ARHGAP30: variants seen among roughly 807,000 people sequenced by gnomAD.
The protein encoded by ARHGAP30 is rho GTPase-activating protein 30.
ARHGAP30 carries 23 observed loss-of-function variants against 72.0 expected under a neutral mutation model. The observed-to-expected ratio is 0.32, with a 90% CI of 0.23 to 0.45. The LOEUF is 0.45. Among genes scored for constraint, ARHGAP30 ranks in the 20% least tolerant of loss-of-function variants. ARHGAP30 has a pLI of 1.00. For missense variants in ARHGAP30, 1,319 were observed against 1,383.4 expected (o/e 0.95, Z 0.74); for synonymous variants, 576 against 528.2 (o/e 1.09, Z -1.24).
intron 4 of ARHGAP30, 37 bp downstream of exon 4, chr1:161,054,586 G>A (rs771812150): frequency 2.5e-6 from 4 of 1,609,710 alleles, no homozygotes; most frequent in Admixed American, 3.3e-5. Flanking sequence ...TGAATGAGTT[G>A]TCTCAGGTTG....
rs191774264 is a variant in ARHGAP30 at position 161,061,180 on chromosome 1, T to G, written c.98-1464A>C. ...TTGGGTTCTGTTTGTTTGTTTGTTT[T>G]TTTTAGATGGAGTCTCACTCTGTTT... On this transcript the variant is annotated intron_variant, in intron 1 of 11. Transcript: ENST00000368013. Among the ~76,000 whole-genome samples, 130 of 152,048 alleles carry G rather than the reference T, an allele frequency of 8.5e-4. 1 individual carries two copies. The highest frequency in any genetic ancestry group is 3.4e-3 in the Middle Eastern group (1 of 294).
At chr1:161,052,403 A>T in intron 8 of ARHGAP30, 37 bp downstream of exon 8, 1 of 1,613,326 alleles carries the variant, frequency 6.2e-7, no homozygotes. Context: ...GGCCTTGTGC[A>T]CCCTCAGCAG....
chr1:161,052,484 C>G lies in ARHGAP30; in HGVS notation c.896G>C (p.Gly299Ala). 1 of 1,613,790 alleles carries G rather than the reference C, an allele frequency of 6.2e-7. No homozygotes were observed. Among genetic ancestry groups the G allele is most frequent in the Non-Finnish European group, 8.5e-7 (1 of 1,180,002 alleles). ...TGGAAGTTTACGCTTAGTCTCATGGCCAGAGCGACCTAAATTGAAGATAGA... is the reference window on the plus strand; with the variant it reads ...TGGAAGTTTACGCTTAGTCTCATGGGCAGAGCGACCTAAATTGAAGATAGA... ...WRSIFNLGRS[G>A]HETKRKLPRG... The change falls in exon 8 of 12, where the codon GGC becomes GCC. Residue 299 changes from glycine (G) to alanine (A), a missense_variant. By Grantham distance (60) the Gly-to-Ala change is moderately conservative. Around this residue, in one of 2 missense-constraint regions of ARHGAP30, gnomAD observed 1,097 missense variants for 1,045.2 expected, o/e 1.05. Transcript: ENST00000368013.
At chr1:161,050,641 T>G (rs564462166) in intron 10 of ARHGAP30, among the ~76,000 whole-genome samples, 7 of 144,880 alleles carry the variant, frequency 4.8e-5, no homozygotes, top group Admixed American at 2.1e-4. Context: ...TGTTTTTTGT[T>G]TTTTTTTTTT....
chr1:161,052,419 C>T lies in ARHGAP30; in HGVS notation c.940+21G>A, dbSNP rs760614468. ...GCCTTGTGCACCCTCAGCAGAGCTCCCCCCATCTCCCCAGACTTACCCCTG... is the reference window on the plus strand; with the variant it reads ...GCCTTGTGCACCCTCAGCAGAGCTCTCCCCATCTCCCCAGACTTACCCCTG... On this transcript the variant is annotated intron_variant, in intron 8 of 11. Transcript: ENST00000368013. The T allele has an allele frequency of 1.5e-5, 24 of 1,613,486 alleles. 1 individual carries two copies. In the East Asian group the frequency reaches 1.6e-4, roughly 10 times the overall value.
At chr1:161,064,832 A>G (rs1469416297) in intron 1 of ARHGAP30, among the ~76,000 whole-genome samples, 2 of 33,368 alleles carry the variant, frequency 6.0e-5, no homozygotes, top group Admixed American at 2.6e-4. Flanking sequence ...AGAAAGAAAG[A>G]GAAAGAAAGA....
At chr1:161,058,626 CAA>C (rs758250379) in intron 2 of ARHGAP30, among the ~76,000 whole-genome samples, 4 of 87,044 alleles carry the variant, frequency 4.6e-5, no homozygotes, top group Middle Eastern at 7.2e-3. Context: ...GACTCTGTCT[CAA>C]AAAAAAAAAA....
chr1:161,053,839 G>A (rs1651627817), intron 5 of ARHGAP30, among the ~76,000 whole-genome samples: 1 of 152,192 alleles, frequency 6.6e-6, no homozygotes, highest in Non-Finnish European at 1.5e-5. Context: ...GAGGAGGTGG[G>A]TGGATCACCT....
chr1:161,063,822 C>T (rs2102067266), intron 1 of ARHGAP30, among the ~76,000 whole-genome samples: 1 of 152,296 alleles, frequency 6.6e-6, no homozygotes, highest in African/African-American at 2.4e-5. Context: ...CCGGGGCGTA[C>T]CTGTCTCTTA....
Position 161,051,356 on chromosome 1 carries a change from A to G in ARHGAP30, c.1378T>C (p.Ser460Pro). 6.2e-7 allele frequency: 1 copy of G among 1,612,284 alleles called. No homozygotes were observed. Among genetic ancestry groups the G allele is most frequent in the South Asian group, 1.1e-5 (1 of 90,884 alleles). The change falls in exon 10 of 12, where the codon TCT becomes CCT. Residue 460 changes from serine to proline, a missense_variant. This residue lies in a region of ARHGAP30 where 1,097 missense variants were observed against 1,045.2 expected (regional missense o/e 1.05). Coordinates refer to ENST00000368013, the MANE Select transcript of ARHGAP30 (RefSeq NM_001025598.2). ...PALQHRPSPA[S>P]GPGPGPGLGP... ...AGGCCAGGGCCAGGGCCAGGGCCAG[A>G]GGCAGGGCTTGGCCGGTGCTGTAGA...
chr1:161,050,274 C>T (rs1022939208), intron 10 of ARHGAP30, among the ~76,000 whole-genome samples: 2 of 150,928 alleles, frequency 1.3e-5, no homozygotes, highest in Non-Finnish European at 2.9e-5. Context: ...CAAACCAATC[C>T]TGCAATCACA....
intron 10 of ARHGAP30, among the ~76,000 whole-genome samples, chr1:161,051,018 A>G (rs899105076): frequency 1.3e-5 from 2 of 152,236 alleles, no homozygotes; most frequent in Non-Finnish European, 2.9e-5. Context: ...CATCTATTAT[A>G]TATTCCCACA....
intron 1 of ARHGAP30, among the ~76,000 whole-genome samples, chr1:161,065,463 G>A (rs1299764964): frequency 6.6e-6 from 1 of 152,056 alleles, no homozygotes; most frequent in Non-Finnish European, 1.5e-5. Context: ...CAAGCTCTTT[G>A]TTGAATAAAG....
At chr1:161,049,850 A>G (rs1651219180) in intron 10 of ARHGAP30, among the ~76,000 whole-genome samples, 161 bp from the exon 11 acceptor site, 1 of 152,154 alleles carries the variant, frequency 6.6e-6, no homozygotes, top group African/African-American at 2.4e-5. Flanking sequence ...TTGGCTTGCT[A>G]CCTTAATTGA....
chr1:161,064,839 A>AAG (rs1338482423), intron 1 of ARHGAP30, among the ~76,000 whole-genome samples: 1,981 of 118,324 alleles, frequency 0.017, 27 homozygotes, highest in Admixed American at 0.021. Context: ...AAGAGAAAGA[A>AAG]AGAAAGAAAG....
chr1:161,052,659 G>C lies in ARHGAP30; in HGVS notation c.803C>G (p.Pro268Arg), dbSNP rs376018995. The C allele has an allele frequency of 7.4e-6, 12 of 1,613,780 alleles. No individual in the cohort carries two copies. The highest frequency in any genetic ancestry group is 1.3e-5 in the African/African-American group (1 of 74,888). Residue 268 changes from proline to arginine, a missense_variant, in exon 7 of 12, where the codon CCC (proline) becomes CGC (arginine). By Grantham distance (103) the Pro-to-Arg change is moderately radical. This residue lies in a region of ARHGAP30 where 1,097 missense variants were observed against 1,045.2 expected (regional missense o/e 1.05). Transcript: ENST00000368013. ...TGCAATCTCGATGATAGTATGGTAG[G>C]GCCGCATCTGTGGGGGTCCATCGCC... ...QAGDGPPQMR[P>R]YHTIIEIAEH...
chr1:161,069,709 T>G lies in ARHGAP30; in HGVS notation c.-85A>C. 1 of 1,467,022 alleles carries G rather than the reference T, an allele frequency of 6.8e-7. No individual in the cohort carries two copies. 90.9% of individuals were successfully genotyped at this position (1,467,022 alleles called of 1,614,324 possible). ...AGTCCCCCATGGGATCCCAGCCAGC[T>G]GCTGGGCTTGGCCCGGCCCCAGGGG... is the stretch of plus-strand genomic sequence containing the variant. On this transcript the variant is annotated 5_prime_UTR_variant, in exon 1 of 12. Transcript: ENST00000368013. The surrounding 1 kb of genome is among the most constrained non-coding windows in gnomAD (Gnocchi z 4.9).
Position 161,051,487 on chromosome 1 carries a change from T to C in ARHGAP30, c.1247A>G (p.Tyr416Cys). The C allele has an allele frequency of 6.2e-7, 1 of 1,614,222 alleles. No individual in the cohort carries two copies. Among genetic ancestry groups the C allele is most frequent in the South Asian group, 1.1e-5 (1 of 91,084 alleles). ...RCAGVHISDP[Y>C]NVNLPLHITS... Reference sequence around the variant, plus strand: ...GATGTGTAGCGGGAGGTTGACATTGTAGGGGTCTGAGATGTGGACACCAGC... The same window carrying C: ...GATGTGTAGCGGGAGGTTGACATTGCAGGGGTCTGAGATGTGGACACCAGC... The change falls in exon 10 of 12, where the codon TAC becomes TGC. Residue 416 changes from tyrosine (Y) to cysteine (C), a missense_variant. Tyr to Cys is a radical substitution (Grantham distance 194). This residue lies in a region of ARHGAP30 where 1,097 missense variants were observed against 1,045.2 expected (regional missense o/e 1.05). Coordinates refer to ENST00000368013, the MANE Select transcript of ARHGAP30 (RefSeq NM_001025598.2).
intron 3 of ARHGAP30, among the ~76,000 whole-genome samples, chr1:161,055,870 TAAA>T (rs1234972748): frequency 3.7e-5 from 2 of 53,572 alleles, no homozygotes; most frequent in Admixed American, 1.8e-4. Context: ...TAAAATAAAA[TAAA>T]ATAAAATAAA....
Sources: allele counts gnomAD v4.1 joint callset (sites outside exome capture counted in the v4.1 genomes callset), GRCh38; gene constraint gnomAD v4.1.1; regional missense constraint gnomAD v4.1.1; non-coding constraint Gnocchi (gnomAD v3.1); transcripts MANE v1.5; gene names NCBI Gene and HGNC (gene_info 2026-07-23, HGNC 2026-07-21).